The following FEZ2 variants were observed in gnomAD, a reference collection of about 807,000 sequenced individuals.
FEZ2 encodes fasciculation and elongation protein zeta-2.
FEZ2 carries 51 observed loss-of-function variants against 40.4 expected under a neutral mutation model. That is an observed-to-expected ratio of 1.26 (90% CI 1.01 to 1.59). The LOEUF is 1.59. FEZ2 is among the 40% of genes most tolerant of loss of function. FEZ2 has a pLI of 0.00. For synonymous variants in FEZ2, 242 were observed against 172.0 expected, an observed-to-expected ratio of 1.41 and a Z score of -3.18; for missense variants, 640 against 438.3, an observed-to-expected ratio of 1.46 and a Z score of -4.11.
At chr2:36,584,211 T>A (rs922952221) in intron 2 of FEZ2, among the ~76,000 whole-genome samples, 5 of 152,204 alleles carry the variant, frequency 3.3e-5, no homozygotes, top group African/African-American at 1.2e-4. Context: ...CCTGTCAGAC[T>A]GTCATTTGTT....
chr2:36,585,755 GATGTT>G (rs1361109827), intron 2 of FEZ2, among the ~76,000 whole-genome samples: 2 of 152,330 alleles, frequency 1.3e-5, no homozygotes, highest in East Asian at 1.9e-4. Context: ...TTCAACCCCA[GATGTT>G]ATGTAATTAC....
chr2:36,554,161 T>C (rs186077831), intron 7 of FEZ2: 32 of 470,424 alleles, frequency 6.8e-5, no homozygotes, highest in Non-Finnish European at 1.1e-4. Context: ...TAGATAGAAC[T>C]GGGCTTACAG....
At chr2:36,585,668 G>C (rs1668880616) in intron 2 of FEZ2, among the ~76,000 whole-genome samples, 1 of 152,152 alleles carries the variant, frequency 6.6e-6, no homozygotes, top group African/African-American at 2.4e-5. Flanking sequence ...AGTAGAAAAA[G>C]AGAAAATGTA....
At chr2:36,584,437 T>A (rs938777622) in intron 2 of FEZ2, among the ~76,000 whole-genome samples, 1 of 152,224 alleles carries the variant, frequency 6.6e-6, no homozygotes, top group Non-Finnish European at 1.5e-5. Context: ...TAGAGTTTAG[T>A]ACCAGTACTG....
At chr2:36,563,812 T>G (rs1668158156) in intron 5 of FEZ2, among the ~76,000 whole-genome samples, 1 of 152,182 alleles carries the variant, frequency 6.6e-6, no homozygotes, top group Non-Finnish European at 1.5e-5. Flanking sequence ...CAGGAATCCC[T>G]CCTCCCTGAA....
intron 3 of FEZ2, among the ~76,000 whole-genome samples, chr2:36,582,193 A>G (rs1668769421): frequency 1.3e-5 from 2 of 151,742 alleles, no homozygotes; most frequent in Non-Finnish European, 1.5e-5. Context: ...AACCCAGGAA[A>G]ATTACTCAAT....
At position 36,585,970 on chromosome 2, in the gene FEZ2, G is replaced by C. The variant is rs529098104; in HGVS notation, c.376-2501C>G. The stretch of plus-strand genomic sequence containing the variant: ...ATATCATTTAAAGTGGCCACCTCTG[G>C]TAAGGAGAAATCAAGTGGAGCAGAG... On this transcript the variant is annotated intron_variant, in intron 2 of 7. Coordinates refer to ENST00000405912, the MANE Select transcript of FEZ2 (RefSeq NM_005102.3). Among the ~76,000 whole-genome samples the C allele has an allele frequency of 7.2e-4, 110 of 152,314 alleles. 1 individual carries two copies. The highest frequency in any genetic ancestry group is 2.6e-3 in the African/African-American group (109 of 41,570).
At chr2:36,583,282 T>C in intron 3 of FEZ2, 71 bp downstream of exon 3, 3 of 776,192 alleles carry the variant, frequency 3.9e-6, no homozygotes, top group Non-Finnish European at 6.8e-6. Context: ...CATCATTTAC[T>C]GTCATAACAA....
chr2:36,565,518 A>G (rs1668211451), intron 5 of FEZ2, among the ~76,000 whole-genome samples: 1 of 151,934 alleles, frequency 6.6e-6, no homozygotes, highest in African/African-American at 2.4e-5. Flanking sequence ...AGATGTCCCT[A>G]ACTGTCCCCT....
At chr2:36,560,294 C>T (rs1668058931) in intron 5 of FEZ2, among the ~76,000 whole-genome samples, 2 of 152,178 alleles carry the variant, frequency 1.3e-5, no homozygotes, top group South Asian at 4.1e-4. Flanking sequence ...CTATGCAATA[C>T]ACCTTAAAAA....
chr2:36,570,484 A>G (rs1412929780), intron 5 of FEZ2, among the ~76,000 whole-genome samples: 1 of 152,210 alleles, frequency 6.6e-6, no homozygotes, highest in Non-Finnish European at 1.5e-5. Flanking sequence ...CTAAAACTAG[A>G]ATATAATAAT....
At chr2:36,565,182 C>G (rs1668202564) in intron 5 of FEZ2, among the ~76,000 whole-genome samples, 1 of 152,218 alleles carries the variant, frequency 6.6e-6, no homozygotes, top group African/African-American at 2.4e-5. Flanking sequence ...ATTTCCATCC[C>G]TACTTTCACT....
At position 36,598,147 on chromosome 2, in the gene FEZ2, G is replaced by A. The variant is rs1242748567; in HGVS notation, c.-5C>T. The A allele has an allele frequency of 9.6e-6, 14 of 1,465,070 alleles. No homozygotes were observed. In the East Asian group the frequency reaches 1.2e-4, roughly 13 times the overall value. The allele number at this position is 1,465,070 out of a possible 1,614,324, so 90.8% of individuals were successfully genotyped here. A position where few individuals can be genotyped will look rare whatever the true frequency, so the allele number is the denominator to read the frequency against. ...CCAGTCCCCGTCCGCCGCCATCGCCGCCCGGAGCAGTCGCGCGCCCCGCCC... is the reference window on the plus strand; with the variant it reads ...CCAGTCCCCGTCCGCCGCCATCGCCACCCGGAGCAGTCGCGCGCCCCGCCC... On this transcript the variant is annotated 5_prime_UTR_variant, in exon 1 of 8. Coordinates refer to ENST00000405912, the MANE Select transcript of FEZ2 (RefSeq NM_005102.3).
chr2:36,581,277 C>G lies in FEZ2; in HGVS notation c.634+13G>C, dbSNP rs1197950485. The G allele has an allele frequency of 2.0e-5, 32 of 1,609,936 alleles. No homozygotes were observed. Among genetic ancestry groups the G allele is most frequent in the Non-Finnish European group, 2.5e-5 (30 of 1,177,838 alleles). On this transcript the variant is annotated intron_variant, in intron 4 of 7. Coordinates refer to ENST00000405912, the MANE Select transcript of FEZ2 (RefSeq NM_005102.3). Reference sequence around the variant, plus strand: ...AAAGCACAGAAATCATTGATTTCAGCAGGCTCCCTTACTCTCTTCATAACT... The same window carrying G: ...AAAGCACAGAAATCATTGATTTCAGGAGGCTCCCTTACTCTCTTCATAACT...
chr2:36,561,763 T>C (rs1668098165), intron 5 of FEZ2, among the ~76,000 whole-genome samples: 1 of 152,224 alleles, frequency 6.6e-6, no homozygotes, highest in South Asian at 2.1e-4. Context: ...ACTTGATGGT[T>C]CCTTCCCCTG....
At chr2:36,586,413 T>C (rs879617382) in intron 2 of FEZ2, among the ~76,000 whole-genome samples, 1 of 152,082 alleles carries the variant, frequency 6.6e-6, no homozygotes, top group Non-Finnish European at 1.5e-5. Flanking sequence ...GGCGGGTGGA[T>C]TGCTTGAGCT....
chr2:36,558,617 A>C, intron 5 of FEZ2, 104 bp from the exon 6 acceptor site: 1 of 556,646 alleles, frequency 1.8e-6, no homozygotes. Flanking sequence ...ATAAAACACA[A>C]GCTACTTTGG....
intron 5 of FEZ2, among the ~76,000 whole-genome samples, chr2:36,574,919 ACCT>A (rs1416585754): frequency 6.6e-6 from 1 of 152,140 alleles, no homozygotes; most frequent in African/African-American, 2.4e-5. Flanking sequence ...CACTCCTTTA[ACCT>A]CCTCTTCAAA....
chr2:36,563,048 C>A (rs561675087), intron 5 of FEZ2, among the ~76,000 whole-genome samples: 1 of 152,332 alleles, frequency 6.6e-6, no homozygotes, highest in Admixed American at 6.5e-5. Context: ...TTTTCGCAAT[C>A]AGAAAGCCAA....
Sources: gnomAD v4.1 joint callset for allele counts (sites outside exome capture counted in the v4.1 genomes callset) on GRCh38, gnomAD v4.1.1 for gene constraint, MANE v1.5 for transcripts, NCBI Gene and HGNC (gene_info 2026-07-23, HGNC 2026-07-21) for gene names.